C14orf132: variants seen among roughly 807,000 people sequenced by gnomAD.
C14orf132 encodes the protein uncharacterized protein C14orf132.
C14orf132 carries 6 observed loss-of-function variants against 5.8 expected under a neutral mutation model. The observed-to-expected ratio is 1.03, with a 90% CI of 0.57 to 2.04. The LOEUF (loss-of-function observed/expected upper bound fraction) is 2.04, where lower values mean the gene tolerates loss of function less well. C14orf132 is among the 30% of genes most tolerant of loss of function. The probability of loss-of-function intolerance (pLI) is 0.00; values close to 1 mark genes in which losing one functional copy is unlikely to be tolerated. For missense variants in C14orf132, 125 were observed against 115.8 expected (o/e 1.08, Z -0.37); for synonymous variants, 51 against 49.8 (o/e 1.02, Z -0.10).
chr14:96,047,766 G>A (rs947998199), intron 1 of C14orf132, among the ~76,000 whole-genome samples: 2 of 152,142 alleles, frequency 1.3e-5, no homozygotes, highest in East Asian at 1.9e-4. Flanking sequence ...CAGAAAAATC[G>A]AGAGGAGGGC....
At chr14:96,057,976 C>G (rs957348200) in intron 1 of C14orf132, among the ~76,000 whole-genome samples, 18 of 152,232 alleles carry the variant, frequency 1.2e-4, no homozygotes, top group African/African-American at 4.3e-4. Context: ...CATGCTAACG[C>G]CTGCCTTGCT....
chr14:96,079,185 G>A (rs748873372), intron 1 of C14orf132, among the ~76,000 whole-genome samples: 31 of 152,310 alleles, frequency 2.0e-4, no homozygotes, highest in Non-Finnish European at 3.4e-4. Context: ...CATGGAACAC[G>A]TACAGCCGAG....
intron 1 of C14orf132, among the ~76,000 whole-genome samples, chr14:96,062,308 C>CAG (rs1305147141): frequency 1.3e-5 from 2 of 152,082 alleles, no homozygotes; most frequent in African/African-American, 4.8e-5. Flanking sequence ...GCTATGCTAC[C>CAG]AGAGAGAGAG....
At position 96,088,452 on chromosome 14, in the gene C14orf132, T is replaced by C. The variant is rs1054405448; in HGVS notation, c.*1717T>C. 1 of 152,280 alleles carries C rather than the reference T, an allele frequency of 6.6e-6. No individual in the cohort carries two copies. The highest frequency in any genetic ancestry group is 6.5e-5 in the Admixed American group (1 of 15,282). 9.4% of individuals were successfully genotyped at this position (152,280 alleles called of 1,614,324 possible). ...AGGGAGAAGGGACATGGACCACCTG[T>C]CTGGAATTCCTGGAATCACTGGCAG... On this transcript the variant is annotated 3_prime_UTR_variant, in exon 2 of 2. Transcript: ENST00000555004.
intron 1 of C14orf132, among the ~76,000 whole-genome samples, chr14:96,063,279 C>A (rs2139660886): frequency 6.6e-6 from 1 of 152,152 alleles, no homozygotes; most frequent in African/African-American, 2.4e-5. Context: ...GTACTGTCCA[C>A]CCAAGGAACA....
intron 1 of C14orf132, among the ~76,000 whole-genome samples, chr14:96,068,156 A>G (rs1016716367): frequency 6.6e-6 from 1 of 152,200 alleles, no homozygotes; most frequent in African/African-American, 2.4e-5. Flanking sequence ...CTTTCCCTTA[A>G]CTGCACCCTG....
chr14:96,047,432 C>T (rs1290119504), intron 1 of C14orf132, among the ~76,000 whole-genome samples: 1 of 152,178 alleles, frequency 6.6e-6, no homozygotes, highest in Non-Finnish European at 1.5e-5. Context: ...GTCCTGCACC[C>T]CAGCTCTTTC....
chr14:96,084,496 G>A (rs1385707668), intron 1 of C14orf132, among the ~76,000 whole-genome samples: 1 of 152,170 alleles, frequency 6.6e-6, no homozygotes, highest in Non-Finnish European at 1.5e-5. Context: ...AGGCTGGCAT[G>A]TGTCTGATGC....
At chr14:96,070,644 C>T (rs986859591) in intron 1 of C14orf132, among the ~76,000 whole-genome samples, 2 of 150,994 alleles carry the variant, frequency 1.3e-5, no homozygotes, top group Non-Finnish European at 2.9e-5. Flanking sequence ...TGCACTGACC[C>T]CTTCTACTCC....
At position 96,067,667 on chromosome 14, in the gene C14orf132, C is replaced by T. The variant is rs558927751; in HGVS notation, c.28-18844C>T. Among the ~76,000 whole-genome samples the T allele has an allele frequency of 7.3e-5, 11 of 151,610 alleles. No homozygotes were observed. In the South Asian group the frequency reaches 8.4e-4, roughly 12 times the overall value. On this transcript the variant is annotated intron_variant, in intron 1 of 1. Transcript: ENST00000555004. ...TGAGCGGAGATCAGGCCATTGCACT[C>T]CAGTCTGGGCAGCAAGAGTGAAACT...
intron 1 of C14orf132, among the ~76,000 whole-genome samples, chr14:96,071,771 C>T (rs1887716331): frequency 6.6e-6 from 1 of 152,194 alleles, no homozygotes; most frequent in Admixed American, 6.5e-5. Context: ...GAAGACCAGC[C>T]CCAGGGGGAG....
intron 1 of C14orf132, among the ~76,000 whole-genome samples, chr14:96,053,691 C>T (rs573468294): frequency 1.3e-5 from 2 of 152,334 alleles, no homozygotes; most frequent in East Asian, 3.9e-4. Flanking sequence ...TGTTCAGTCT[C>T]CAATGGCCAC....
intron 1 of C14orf132, among the ~76,000 whole-genome samples, chr14:96,055,606 C>T (rs1488210333): frequency 6.6e-6 from 1 of 152,200 alleles, no homozygotes; most frequent in Non-Finnish European, 1.5e-5. Flanking sequence ...CTTGGGCAAA[C>T]TCCTGAACCT....
intron 1 of C14orf132, among the ~76,000 whole-genome samples, chr14:96,045,059 T>C (rs1205708601): frequency 6.6e-6 from 1 of 152,204 alleles, no homozygotes; most frequent in Non-Finnish European, 1.5e-5. Flanking sequence ...AGATCGCTTA[T>C]TTAAACCTCA....
intron 1 of C14orf132, among the ~76,000 whole-genome samples, chr14:96,077,546 G>A (rs536496458): frequency 2.6e-4 from 39 of 152,270 alleles, no homozygotes; most frequent in Non-Finnish European, 4.3e-4. Flanking sequence ...GTGGCCACCT[G>A]CAAGCCAACG....
Position 96,089,696 on chromosome 14 carries a change from C to G in C14orf132, c.*2961C>G, listed in dbSNP as rs1260005821. ...TTTCAGGGGTGCCGGTCCCCAAGGC[C>G]TGCCCCCTTCTTTAAGACTGAACTC... On this transcript the variant is annotated 3_prime_UTR_variant, in exon 2 of 2. Coordinates refer to ENST00000555004, the MANE Select transcript of C14orf132 (RefSeq NM_001252507.3). 2 of 152,336 alleles carry G rather than the reference C, an allele frequency of 1.3e-5. No individual in the cohort carries two copies. Among genetic ancestry groups the G allele is most frequent in the Non-Finnish European group, 2.9e-5 (2 of 68,160 alleles). The allele number at this position is 152,336 out of a possible 1,614,324, so 9.4% of individuals were successfully genotyped here.
rs150032973 is a variant in C14orf132, at chr14:96,064,759, A to G, written c.28-21752A>G. On this transcript the variant is annotated intron_variant, in intron 1 of 1. Coordinates refer to ENST00000555004, the MANE Select transcript of C14orf132 (RefSeq NM_001252507.3). ...TGATGAGTGCACCAAAATCTCACAA[A>G]TCACCACTAAAGAACTTACTCATGC... Among the ~76,000 whole-genome samples the G allele has an allele frequency of 2.0e-5, 3 of 152,214 alleles. No homozygotes were observed. In the East Asian group the frequency reaches 5.8e-4, roughly 29 times the overall value.
At chr14:96,074,549 T>A (rs1331552684) in intron 1 of C14orf132, among the ~76,000 whole-genome samples, 1 of 6,742 alleles carries the variant, frequency 1.5e-4, no homozygotes, top group African/African-American at 2.7e-4. Flanking sequence ...AAGGCATGAG[T>A]TTTTTTTTTT....
At chr14:96,051,462 T>C (rs1025092409) in intron 1 of C14orf132, among the ~76,000 whole-genome samples, 7 of 152,172 alleles carry the variant, frequency 4.6e-5, no homozygotes, top group Non-Finnish European at 8.8e-5. Context: ...AGCCTTCCAT[T>C]TAGCCAAGAG....
Sources: allele counts gnomAD v4.1 joint callset (sites outside exome capture counted in the v4.1 genomes callset), GRCh38; gene constraint gnomAD v4.1.1; transcripts MANE v1.5; gene names NCBI Gene and HGNC (gene_info 2026-07-23, HGNC 2026-07-21).